DAB2IP: variants seen among roughly 807,000 people sequenced by gnomAD.
DAB2IP encodes the protein disabled homolog 2-interacting protein.
In DAB2IP, 28 loss-of-function variants were observed where a neutral mutation model predicts 107.2. The observed-to-expected ratio is 0.26, with a 90% CI of 0.19 to 0.36. The LOEUF is 0.36. Ranked by LOEUF, DAB2IP falls within the 10% of genes least tolerant of loss-of-function variation. The pLI is 1.00. For synonymous variants in DAB2IP, 755 were observed against 706.4 expected, an observed-to-expected ratio of 1.07 and a Z score of -1.09; for missense variants, 1,400 against 1,644.7, an observed-to-expected ratio of 0.85 and a Z score of 2.57.
intron 2 of DAB2IP, among the ~76,000 whole-genome samples, chr9:121,683,054 T>C (rs1828677028): frequency 6.6e-6 from 1 of 152,084 alleles, no homozygotes; most frequent in African/African-American, 2.4e-5. Context: ...CCCAGGTCTG[T>C]CTGCTCTGTG....
chr9:121,739,908 G>C (rs555499573), intron 3 of DAB2IP, among the ~76,000 whole-genome samples: 1 of 152,288 alleles, frequency 6.6e-6, no homozygotes, highest in South Asian at 2.1e-4. Context: ...GAAAGGAGGT[G>C]AGGTGCTAGC....
chr9:121,573,873 T>C (rs1830003181), intron 1 of DAB2IP, among the ~76,000 whole-genome samples: 1 of 152,134 alleles, frequency 6.6e-6, no homozygotes, highest in Admixed American at 6.5e-5. Flanking sequence ...TGAAAGCCAT[T>C]GTGTGCCAAA....
At chr9:121,731,492 T>C (rs1165676680) in intron 3 of DAB2IP, among the ~76,000 whole-genome samples, 1 of 152,174 alleles carries the variant, frequency 6.6e-6, no homozygotes, top group African/African-American at 2.4e-5. Context: ...AGGCGAGGCA[T>C]AGTGGTTATA....
intron 1 of DAB2IP, among the ~76,000 whole-genome samples, chr9:121,612,055 A>G (rs921330769): frequency 6.6e-5 from 10 of 152,124 alleles, no homozygotes; most frequent in Non-Finnish European, 1.0e-4. Flanking sequence ...ACCCCTTTCC[A>G]GAACTTACTG....
At chr9:121,619,999 C>T (rs1024619052) in intron 1 of DAB2IP, among the ~76,000 whole-genome samples, 6 of 152,136 alleles carry the variant, frequency 3.9e-5, no homozygotes, top group East Asian at 1.9e-4. Context: ...CATTATAAGA[C>T]GTGGTGCCTG....
Position 121,698,313 on chromosome 9 carries a change from T to C in DAB2IP, c.229-1012T>C, listed in dbSNP as rs902265565. Among the ~76,000 whole-genome samples, 4 of 152,132 alleles carry C rather than the reference T, an allele frequency of 2.6e-5. No homozygotes were observed. Among genetic ancestry groups the C allele is most frequent in the Non-Finnish European group, 5.9e-5 (4 of 68,032 alleles). On this transcript the variant is annotated intron_variant, in intron 2 of 15. Coordinates refer to ENST00000408936, the Ensembl canonical transcript of DAB2IP. This position sits in a 1 kb window ranked among gnomAD's most constrained non-coding sequence, Gnocchi z 4.1. ...TTTCCAAGCCCGGCAGGACACAGGC[T>C]GTGTCCCCTGGGGCCCCCACATCTA...
chr9:121,581,225 G>A (rs1448525501), intron 1 of DAB2IP, among the ~76,000 whole-genome samples: 1 of 152,154 alleles, frequency 6.6e-6, no homozygotes, highest in Non-Finnish European at 1.5e-5. Flanking sequence ...CAAGGAGGGA[G>A]GCCAAGAAGA....
At chr9:121,690,853 G>A (rs1397413489) in intron 2 of DAB2IP, among the ~76,000 whole-genome samples, 7 of 152,296 alleles carry the variant, frequency 4.6e-5, no homozygotes, top group African/African-American at 1.4e-4. Context: ...CTTGGAGGCT[G>A]GAGGGACCTG....
chr9:121,652,809 G>A lies in DAB2IP; in HGVS notation c.124+910G>A, dbSNP rs1423745180. Reference sequence around the variant, plus strand: ...GGGCCACATTCCCACCCTGCAGGCTGCCGTTGTGTGACCTGGGCTGAGCTG... The same window carrying A: ...GGGCCACATTCCCACCCTGCAGGCTACCGTTGTGTGACCTGGGCTGAGCTG... On this transcript the variant is annotated intron_variant, in intron 1 of 15. Coordinates refer to ENST00000408936, the Ensembl canonical transcript of DAB2IP. 9.2e-5 allele frequency among the ~76,000 whole-genome samples: 14 copies of A among 151,970 alleles called. 1 individual carries two copies. Among genetic ancestry groups the A allele is most frequent in the Non-Finnish European group, 2.9e-5 (2 of 67,930 alleles).
At chr9:121,677,451 G>T (rs1589499014) in intron 1 of DAB2IP, among the ~76,000 whole-genome samples, 1 of 152,264 alleles carries the variant, frequency 6.6e-6, no homozygotes, top group East Asian at 1.9e-4. Context: ...GAGCCTAGGA[G>T]TTCTAGGCTG....
At chr9:121,616,241 G>A (rs946466673) in intron 1 of DAB2IP, among the ~76,000 whole-genome samples, 3 of 152,218 alleles carry the variant, frequency 2.0e-5, no homozygotes, top group Non-Finnish European at 4.4e-5. Context: ...AGAGCCTTCT[G>A]TTTATTGAGG....
At chr9:121,570,797 C>T (rs1459035085) in intron 1 of DAB2IP, among the ~76,000 whole-genome samples, 2 of 151,324 alleles carry the variant, frequency 1.3e-5, no homozygotes, top group East Asian at 3.9e-4. Context: ...ATCTGCCCGC[C>T]TCGGCTTCCC....
intron 2 of DAB2IP, among the ~76,000 whole-genome samples, chr9:121,683,543 C>G (rs1564154543): frequency 6.6e-6 from 1 of 152,170 alleles, no homozygotes; most frequent in African/African-American, 2.4e-5. Flanking sequence ...AATTAGGTCT[C>G]AGGGCTATTT....
At chr9:121,612,446 G>C (rs1831128779) in intron 1 of DAB2IP, among the ~76,000 whole-genome samples, 1 of 152,210 alleles carries the variant, frequency 6.6e-6, no homozygotes, top group Non-Finnish European at 1.5e-5. Context: ...GATGAATAGA[G>C]AAAGGGGATA....
chr9:121,577,926 T>A (rs139418564), intron 1 of DAB2IP, among the ~76,000 whole-genome samples: 1 of 152,010 alleles, frequency 6.6e-6, no homozygotes, highest in East Asian at 1.9e-4. Flanking sequence ...TTGGGGGCTG[T>A]CCCGGGTCAG....
rs199586087 is a variant in DAB2IP, at chr9:121,766,458, T to C, written c.1461-36T>C. Reference sequence around the variant, plus strand: ...TGCACTCCTGTCCTGGGCCCCTGCCTGACAGCCAAGCCCACCTTTGTCTGT... The same window carrying C: ...TGCACTCCTGTCCTGGGCCCCTGCCCGACAGCCAAGCCCACCTTTGTCTGT... On this transcript the variant is annotated intron_variant, in intron 8 of 15. Coordinates refer to ENST00000408936, the Ensembl canonical transcript of DAB2IP. 7 of 1,586,270 alleles carry C rather than the reference T, an allele frequency of 4.4e-6. No homozygotes were observed. In the African/African-American group the frequency reaches 8.0e-5, roughly 18 times the overall value.
chr9:121,642,025 C>T (rs772104155), intron 1 of DAB2IP, among the ~76,000 whole-genome samples: 230 of 10,816 alleles, frequency 0.021, 4 homozygotes, highest in South Asian at 0.054. Flanking sequence ...CTCTCTCTCT[C>T]TCTCTCTTTC....
At chr9:121,752,092 ATGAGCC>A (rs1198580302) in intron 3 of DAB2IP, 1 of 929,422 alleles carries the variant, frequency 1.1e-6, no homozygotes, top group Non-Finnish European at 1.3e-6. Flanking sequence ...AGAGGGTAGG[ATGAGCC>A]TCCTAACCTT....
chr9:121,643,108 T>C (rs1832419716), intron 1 of DAB2IP, among the ~76,000 whole-genome samples: 1 of 152,060 alleles, frequency 6.6e-6, no homozygotes, highest in South Asian at 2.1e-4. Context: ...AGAAAGCCAC[T>C]AGAAAGCTCT....
Sources: gnomAD v4.1 joint callset for allele counts (sites outside exome capture counted in the v4.1 genomes callset) on GRCh38, gnomAD v4.1.1 for gene constraint, Gnocchi (gnomAD v3.1) non-coding constraint, MANE v1.5 for transcripts, NCBI Gene and HGNC (gene_info 2026-07-23, HGNC 2026-07-21) for gene names.